PRKG1: variants seen among roughly 807,000 people sequenced by gnomAD.
The protein encoded by PRKG1 is cGMP-dependent protein kinase 1.
PRKG1 carries 35 observed loss-of-function variants against 88.1 expected under a neutral mutation model. The observed-to-expected ratio is 0.40, with a 90% CI of 0.30 to 0.53. The LOEUF (loss-of-function observed/expected upper bound fraction) is 0.53, where lower values mean the gene tolerates loss of function less well. PRKG1 is among the 20% of genes least tolerant of loss of function. The pLI is 0.59. For synonymous variants in PRKG1, 303 were observed against 292.5 expected, an observed-to-expected ratio of 1.04 and a Z score of -0.37; for missense variants, 540 against 839.8, an observed-to-expected ratio of 0.64 and a Z score of 4.41.
chr10:51,710,850 A>G (rs1208687456), intron 3 of PRKG1, among the ~76,000 whole-genome samples: 1 of 151,896 alleles, frequency 6.6e-6, no homozygotes, highest in Non-Finnish European at 1.5e-5. Context: ...GGGGCGGGAA[A>G]TATTTTTATT....
At chr10:51,545,494 G>T (rs184305959) in intron 3 of PRKG1, among the ~76,000 whole-genome samples, 1 of 152,074 alleles carries the variant, frequency 6.6e-6, no homozygotes, top group East Asian at 1.9e-4. Flanking sequence ...TCCCTTCCTG[G>T]GGCATACACT....
intron 3 of PRKG1, among the ~76,000 whole-genome samples, chr10:51,722,274 C>T (rs1488641411): frequency 6.6e-6 from 1 of 151,606 alleles, no homozygotes; most frequent in African/African-American, 2.4e-5. Context: ...GGCTGTTTGC[C>T]ATCACAATTT....
chr10:51,064,257 A>C (rs1452320606), intron 1 of PRKG1, among the ~76,000 whole-genome samples: 1 of 152,076 alleles, frequency 6.6e-6, no homozygotes, highest in Non-Finnish European at 1.5e-5. Flanking sequence ...TGACTGCCTC[A>C]TGAGACTCCC....
At chr10:51,809,491 T>C (rs1477828804) in intron 4 of PRKG1, among the ~76,000 whole-genome samples, 1 of 152,226 alleles carries the variant, frequency 6.6e-6, no homozygotes, top group African/African-American at 2.4e-5. Context: ...ATATTCTCTG[T>C]TACTGCTATT....
intron 9 of PRKG1, among the ~76,000 whole-genome samples, chr10:52,219,523 A>G (rs917727808): frequency 6.6e-6 from 1 of 152,210 alleles, no homozygotes; most frequent in Admixed American, 6.5e-5. Context: ...TTGCTAACAA[A>G]CTACTAAACC....
chr10:51,107,810 CAAA>C (rs150587434), intron 1 of PRKG1, among the ~76,000 whole-genome samples: 19,652 of 61,474 alleles, frequency 0.32, 918 homozygotes, highest in Non-Finnish European at 0.36. Flanking sequence ...AACCCTGTCT[CAAA>C]AAAAAAAAAA....
At chr10:51,457,577 A>C (rs1165933816) in intron 2 of PRKG1, among the ~76,000 whole-genome samples, 1 of 152,240 alleles carries the variant, frequency 6.6e-6, no homozygotes, top group Non-Finnish European at 1.5e-5. Flanking sequence ...CTATTGAAAT[A>C]AGATAAAATA....
At chr10:51,947,707 T>C (rs987734821) in intron 5 of PRKG1, among the ~76,000 whole-genome samples, 1 of 152,044 alleles carries the variant, frequency 6.6e-6, no homozygotes, top group Admixed American at 6.6e-5. Context: ...GGTGTTGAAG[T>C]TGCAAGAAAG....
At chr10:51,944,820 T>C (rs894891958) in intron 5 of PRKG1, among the ~76,000 whole-genome samples, 5 of 152,048 alleles carry the variant, frequency 3.3e-5, no homozygotes, top group East Asian at 1.9e-4. Flanking sequence ...GTCTGAGAGA[T>C]AGTTTGTTGT....
intron 3 of PRKG1, among the ~76,000 whole-genome samples, chr10:51,654,511 C>T (rs1473137968): frequency 6.6e-6 from 1 of 151,966 alleles, no homozygotes; most frequent in East Asian, 1.9e-4. Flanking sequence ...TATTCATGGT[C>T]TTCTATGGTT....
chr10:51,280,932 A>G (rs1840277333), intron 2 of PRKG1, among the ~76,000 whole-genome samples: 1 of 152,024 alleles, frequency 6.6e-6, no homozygotes, highest in Non-Finnish European at 1.5e-5. Flanking sequence ...TTGGAGGGGG[A>G]GAGGTGCTCT....
intron 2 of PRKG1, among the ~76,000 whole-genome samples, chr10:51,454,696 AAAACCCTTTATCTAACCAT>A (rs2132780934): frequency 6.6e-6 from 1 of 152,304 alleles, no homozygotes; most frequent in South Asian, 2.1e-4. Flanking sequence ...AGTGAAAGGG[AAAACCCTTTATCTAACCAT>A]AAGATCTCAT....
intron 3 of PRKG1, among the ~76,000 whole-genome samples, chr10:51,589,217 G>A (rs1838247248): frequency 6.6e-6 from 1 of 152,128 alleles, no homozygotes; most frequent in African/African-American, 2.4e-5. Flanking sequence ...TCTGCTGAGG[G>A]AGGCTACAAG....
chr10:51,503,849 A>G (rs1276183473), intron 3 of PRKG1, among the ~76,000 whole-genome samples: 1 of 152,186 alleles, frequency 6.6e-6, no homozygotes, highest in East Asian at 1.9e-4. Flanking sequence ...TGTTGATGGT[A>G]AAATAGTAGT....
chr10:51,374,006 G>C (rs1167982524), intron 2 of PRKG1, among the ~76,000 whole-genome samples: 1 of 149,242 alleles, frequency 6.7e-6, no homozygotes, highest in Non-Finnish European at 1.5e-5. Flanking sequence ...GCTGGGGGCG[G>C]TGTAAGGCGC....
intron 2 of PRKG1, among the ~76,000 whole-genome samples, chr10:51,298,461 A>G (rs1336597968): frequency 6.6e-6 from 1 of 152,188 alleles, no homozygotes; most frequent in Non-Finnish European, 1.5e-5. Flanking sequence ...TTCCTTTTTC[A>G]ACAGTGTTGC....
At chr10:51,503,612 C>T (rs1161117343) in intron 3 of PRKG1, among the ~76,000 whole-genome samples, 1 of 152,162 alleles carries the variant, frequency 6.6e-6, no homozygotes, top group Non-Finnish European at 1.5e-5. Flanking sequence ...GGGCCTTTGC[C>T]TACATGTAAC....
chr10:51,903,847 C>T (rs978842040), intron 4 of PRKG1, among the ~76,000 whole-genome samples: 2 of 152,126 alleles, frequency 1.3e-5, no homozygotes, highest in East Asian at 3.8e-4. Flanking sequence ...ATCCTTTCTT[C>T]ACCAGTGCTG....
chr10:51,780,753 G>A (rs1838566679), intron 3 of PRKG1, among the ~76,000 whole-genome samples: 1 of 152,126 alleles, frequency 6.6e-6, no homozygotes, highest in African/African-American at 2.4e-5. Context: ...TACAGTAGCT[G>A]ATGATTGGGG....
Sources: gnomAD v4.1 joint callset for allele counts (sites outside exome capture counted in the v4.1 genomes callset) on GRCh38, gnomAD v4.1.1 for gene constraint, MANE v1.5 for transcripts, NCBI Gene and HGNC (gene_info 2026-07-23, HGNC 2026-07-21) for gene names.